The following SAMD5 variants were observed in gnomAD, a reference collection of about 807,000 sequenced individuals.
SAMD5 encodes the protein sterile alpha motif domain containing 5.
A neutral mutation model predicts 11.3 loss-of-function variants in SAMD5; 13 were observed. The observed-to-expected ratio is 1.15, with a 90% confidence interval of 0.75 to 1.83. SAMD5 has a LOEUF of 1.83. Among genes scored for constraint, SAMD5 ranks in the 40% most tolerant of loss-of-function variants. The pLI, the probability that SAMD5 is intolerant of heterozygous loss-of-function variation, is 0.00. For missense variants in SAMD5, 255 were observed against 239.1 expected (o/e 1.07, Z -0.44); for synonymous variants, 129 against 111.3 (o/e 1.16, Z -1.00).
chr6:147,921,439 C>T, the SAMD5 span, among the ~76,000 whole-genome samples: 1 of 152,138 alleles, frequency 6.6e-6, no homozygotes, highest in Admixed American at 6.6e-5. Flanking sequence ...ACAGCCCTCA[C>T]AGCTAGTGCA....
intron 1 of SAMD5, among the ~76,000 whole-genome samples, chr6:147,706,712 G>A (rs1480963182): frequency 6.6e-6 from 1 of 152,158 alleles, no homozygotes; most frequent in Non-Finnish European, 1.5e-5. Flanking sequence ...GAGTATGCGT[G>A]GATTTTGCTA....
At chr6:147,855,050 A>G in the SAMD5 span, among the ~76,000 whole-genome samples, 1 of 152,178 alleles carries the variant, frequency 6.6e-6, no homozygotes, top group Non-Finnish European at 1.5e-5. Flanking sequence ...CTTCAGGGAG[A>G]ATAAGGATAC....
chr6:147,569,935 A>G lies in SAMD5; in HGVS notation c.*5479A>G, dbSNP rs1206579363. 1 of 984,964 alleles carries G rather than the reference A, an allele frequency of 1.0e-6. No individual in the cohort carries two copies. The highest frequency in any genetic ancestry group is 1.7e-5 in the African/African-American group (1 of 57,368). 61.0% of individuals were successfully genotyped at this position (984,964 alleles called of 1,614,324 possible). On this transcript the variant is annotated 3_prime_UTR_variant, in exon 2 of 2. Transcript: ENST00000367474. ...CTATGAAAAGCCTAATTGGAATAGCATTATGAACCATGTAATGCATGCCCA... is the reference window on the plus strand; with the variant it reads ...CTATGAAAAGCCTAATTGGAATAGCGTTATGAACCATGTAATGCATGCCCA...
chr6:147,917,530 T>C, the SAMD5 span, among the ~76,000 whole-genome samples: 1 of 152,142 alleles, frequency 6.6e-6, no homozygotes, highest in African/African-American at 2.4e-5. Flanking sequence ...TGATGGTAGT[T>C]TCTTTTGCTG....
the SAMD5 span, among the ~76,000 whole-genome samples, chr6:147,831,210 T>G: frequency 5.3e-5 from 8 of 152,178 alleles, no homozygotes; most frequent in African/African-American, 1.9e-4. Context: ...AAAAAAGATA[T>G]TTATTATGGA....
In SAMD5 at chr6:147,647,452, CA is replaced by C; in HGVS notation, c.163-89864del. Among the ~76,000 whole-genome samples the C allele has an allele frequency of 2.6e-5, 4 of 152,146 alleles. No homozygotes were observed. In the East Asian group the frequency reaches 7.8e-4, roughly 30 times the overall value. ...TGAAGGGGGTGGCTGATGAAGCAATCAGGTTTGGATGGGTTGAGTCCGAGTT... is the reference window on the plus strand; with the variant it reads ...TGAAGGGGGTGGCTGATGAAGCAATCGGTTTGGATGGGTTGAGTCCGAGTT... On this transcript the variant is annotated intron_variant, in intron 1 of 1. Coordinates refer to the SAMD5 transcript ENST00000566741.
At chr6:147,694,680 G>T (rs1252368590) in intron 1 of SAMD5, among the ~76,000 whole-genome samples, 1 of 152,064 alleles carries the variant, frequency 6.6e-6, no homozygotes, top group East Asian at 1.9e-4. Context: ...AGCCAGGCAC[G>T]GTAGCTCAAA....
the SAMD5 span, among the ~76,000 whole-genome samples, chr6:147,906,141 A>C: frequency 1.3e-5 from 2 of 152,050 alleles, no homozygotes; most frequent in African/African-American, 4.8e-5. Context: ...TGAAGAAAAA[A>C]GGAAAAATAA....
chr6:147,853,237 AT>A, the SAMD5 span, among the ~76,000 whole-genome samples: 1 of 152,028 alleles, frequency 6.6e-6, no homozygotes, highest in Non-Finnish European at 1.5e-5. Flanking sequence ...CAGTAATTGG[AT>A]TGTCACTTGG....
chr6:147,925,779 C>T, the SAMD5 span, among the ~76,000 whole-genome samples: 1 of 150,560 alleles, frequency 6.6e-6, no homozygotes, highest in Admixed American at 6.7e-5. Context: ...TATTTCATCA[C>T]CCTGATACTA....
At chr6:147,803,676 A>T in the SAMD5 span, among the ~76,000 whole-genome samples, 1 of 152,208 alleles carries the variant, frequency 6.6e-6, no homozygotes, top group African/African-American at 2.4e-5. Context: ...TGTAGACAAG[A>T]CATTTGACCC....
chr6:147,922,972 C>T, the SAMD5 span, among the ~76,000 whole-genome samples: 1 of 152,064 alleles, frequency 6.6e-6, no homozygotes, highest in African/African-American at 2.4e-5. Context: ...GCCCCTGCAC[C>T]CCCTCACTTC....
At chr6:147,916,330 T>A in the SAMD5 span, among the ~76,000 whole-genome samples, 1 of 152,102 alleles carries the variant, frequency 6.6e-6, no homozygotes, top group Non-Finnish European at 1.5e-5. Flanking sequence ...ATCGCCACAC[T>A]GTCTTCCACA....
the SAMD5 span, among the ~76,000 whole-genome samples, chr6:147,832,071 G>A: frequency 1.3e-5 from 2 of 152,016 alleles, no homozygotes; most frequent in East Asian, 1.9e-4. Context: ...GGAAGAGAAA[G>A]GAAGGAAGAG....
the SAMD5 span, among the ~76,000 whole-genome samples, chr6:147,778,664 TGCA>T: frequency 6.6e-6 from 1 of 152,160 alleles, no homozygotes; most frequent in Non-Finnish European, 1.5e-5. Context: ...AAATGTTACC[TGCA>T]GAAGGACAAC....
intron 1 of SAMD5, among the ~76,000 whole-genome samples, chr6:147,660,347 G>A (rs972822282): frequency 5.3e-5 from 8 of 152,056 alleles, no homozygotes; most frequent in Non-Finnish European, 1.0e-4. Flanking sequence ...CCTGGGAGAC[G>A]GGATTTACAG....
chr6:147,778,936 T>G, the SAMD5 span, among the ~76,000 whole-genome samples: 1 of 151,412 alleles, frequency 6.6e-6, no homozygotes, highest in African/African-American at 2.4e-5. Context: ...AGACTCTATA[T>G]ATGAAGCAAC....
At chr6:147,733,618 C>G (rs1264890116) in intron 1 of SAMD5, 1 of 161,222 alleles carries the variant, frequency 6.2e-6, no homozygotes, top group Non-Finnish European at 1.3e-5. Context: ...ATCCAATTCT[C>G]CAGGTAGAAC....
chr6:147,562,175 A>C (rs1272140955), intron 1 of SAMD5, among the ~76,000 whole-genome samples: 2 of 152,328 alleles, frequency 1.3e-5, no homozygotes, highest in East Asian at 3.9e-4. Context: ...TTACTTGCTA[A>C]ATGATAATCT....
Sources: allele counts gnomAD v4.1 joint callset (sites outside exome capture counted in the v4.1 genomes callset), GRCh38; gene constraint gnomAD v4.1.1; transcripts MANE v1.5; gene names NCBI Gene and HGNC (gene_info 2026-07-23, HGNC 2026-07-21).